Variants in ZAN observed in about 807,000 individuals in gnomAD.
ZAN encodes zonadhesin (gene/pseudogene).
A neutral mutation model predicts 286.2 loss-of-function variants in ZAN; 260 were observed. The observed-to-expected ratio is 0.91, with a 90% confidence interval of 0.82 to 1.01. The LOEUF is 1.01. Among genes scored for constraint, ZAN ranks in the 50% least tolerant of loss-of-function variants. ZAN has a pLI of 0.00. For synonymous variants in ZAN, 1,368 were observed against 1,417.5 expected (o/e 0.97, Z 0.79); for missense variants, 3,410 against 3,639.2 (o/e 0.94, Z 1.62).
rs189453965 is a variant in ZAN at position 100,757,276 on chromosome 7, C to T, written c.3310-926C>T. On this transcript the variant is annotated intron_variant, in intron 15 of 47. Coordinates refer to ENST00000613979, the MANE Select transcript of ZAN (RefSeq NM_003386.3). ...AAAGTGCTGGGATTACAGTGGTGAA[C>T]CACCACACCCAGCCTACTTAGTACT... Among the ~76,000 whole-genome samples the T allele has an allele frequency of 1.8e-4, 27 of 152,074 alleles. No homozygotes were observed. The East Asian group carries it at 5.2e-3, about 30-fold the overall frequency.
At position 100,734,113 on chromosome 7, in the gene ZAN, CAG is replaced by C; in HGVS notation, c.-55_-54del. ...AGGCCAGGGGGGAATAAAAGGAGTC[CAG>C]GCTCCCAACTGTGCCCTTCCCCTCT... On this transcript the variant is annotated 5_prime_UTR_variant, in exon 2 of 48. Transcript: ENST00000613979. 8.3e-7 allele frequency: 1 copy of C among 1,197,746 alleles called. No individual in the cohort carries two copies. Among genetic ancestry groups the C allele is most frequent in the Non-Finnish European group, 1.2e-6 (1 of 836,374 alleles). 74.2% of individuals were successfully genotyped at this position (1,197,746 alleles called of 1,614,324 possible).
Position 100,768,647 on chromosome 7 carries a change from C to A in ZAN, c.5079C>A (p.Arg1693=). 1 of 1,610,968 alleles carries A rather than the reference C, an allele frequency of 6.2e-7. No individual in the cohort carries two copies. Among genetic ancestry groups the A allele is most frequent in the Non-Finnish European group, 8.5e-7 (1 of 1,178,510 alleles). Residue 1693 remains arginine, a synonymous_variant, in exon 27 of 48, where the codon CGC becomes CGA. Transcript: ENST00000613979. ...YNNNSLDDNL[R]PDRKLAGDSM... is the part of the protein sequence containing the mutation. ...ACAACAGCTTGGATGACAACCTGCG[C>A]CCCGACAGAAAGCTTGCAGGCGATT...
At position 100,788,058 on chromosome 7, in the gene ZAN, G is replaced by A; in HGVS notation, c.7149G>A (p.Arg2383=). ...VEGRNKMDPP[R]SSIFLQEVIT... ...GACGCAACAAGATGGATCCGCCCAG[G>A]AGCTCCATCTTCTTGCAGGAAGTGA... Residue 2383 remains arginine, a synonymous_variant, in exon 38 of 48, where the codon AGG becomes AGA. Coordinates refer to ENST00000613979, the MANE Select transcript of ZAN (RefSeq NM_003386.3). The A allele has an allele frequency of 6.3e-7, 1 of 1,589,598 alleles. No homozygotes were observed. Among genetic ancestry groups the A allele is most frequent in the Non-Finnish European group, 8.6e-7 (1 of 1,163,464 alleles).
At chr7:100,771,770 G>GC in intron 28 of ZAN, 74 bp from the exon 29 acceptor site, 1 of 1,481,082 alleles carries the variant, frequency 6.8e-7, no homozygotes, top group Non-Finnish European at 9.1e-7. Context: ...TGTCGAATCA[G>GC]CCCCAGGGAA....
chr7:100,797,386 C>A lies in ZAN; in HGVS notation c.8287C>A (p.Leu2763Ile). 1 of 1,613,778 alleles carries A rather than the reference C, an allele frequency of 6.2e-7. No homozygotes were observed. The highest frequency in any genetic ancestry group is 1.3e-5 in the African/African-American group (1 of 75,020). Reference protein sequence around the residue: ...RKPASNLVGVLLGLLVPVVVV... With the variant: ...RKPASNLVGVILGLLVPVVVV... ...AGAAGCATCTAACCTGGTGGGCGTC[C>A]TACTGGGACTGCTGGTGCCTGTGGT... Residue 2763 changes from leucine (L) to isoleucine (I), a missense_variant, in exon 46 of 48, where the codon CTA (leucine) becomes ATA (isoleucine). Coordinates refer to ENST00000613979, the MANE Select transcript of ZAN (RefSeq NM_003386.3).
rs1238383529 is a variant in ZAN, at chr7:100,786,153, G to A, written c.6979+12G>A. 10 of 1,613,556 alleles carry A rather than the reference G, an allele frequency of 6.2e-6. No individual in the cohort carries two copies. The highest frequency in any genetic ancestry group is 5.5e-5 in the South Asian group (5 of 91,054). ...TTGTGTCTCAGACAGTAAGGGGAGC[G>A]ACCGGGGAGGTTGGAGAGGGGAGCA... is the stretch of plus-strand genomic sequence containing the variant. On this transcript the variant is annotated intron_variant, in intron 37 of 47. Coordinates refer to ENST00000613979, the MANE Select transcript of ZAN (RefSeq NM_003386.3).
chr7:100,744,024 C>T (rs1808005127), intron 7 of ZAN, among the ~76,000 whole-genome samples: 4 of 150,968 alleles, frequency 2.6e-5, no homozygotes, highest in Non-Finnish European at 4.4e-5. Context: ...GCCTATATCT[C>T]TTTGTTCTTC....
At chr7:100,766,449 C>G in intron 23 of ZAN, 76 bp from the exon 24 acceptor site, 1 of 1,489,330 alleles carries the variant, frequency 6.7e-7, no homozygotes, top group Non-Finnish European at 9.0e-7. Flanking sequence ...CTGGTGAGCT[C>G]TGGTGTCAGA....
rs1812284077 is a variant in ZAN, at chr7:100,795,264, T to C, written c.8194T>C (p.Cys2732Arg). The stretch of plus-strand genomic sequence containing the variant: ...TCGGGAGCAGGGAGCCACCTTCACC[T>C]GCGAGTGTGAAGTTGGTTACGGGGG... ...QCREQGATFTCECEVGYGGGL... is the reference protein window; with the variant it reads ...QCREQGATFTRECEVGYGGGL... Residue 2732 changes from cysteine to arginine, a missense_variant, in exon 45 of 48, where the codon TGC becomes CGC. By Grantham distance (180) the Cys-to-Arg change is radical. Around this residue, in one of 7 missense-constraint regions of ZAN, gnomAD observed 1,289 missense variants for 1,314.3 expected, o/e 0.98. Coordinates refer to ENST00000613979, the MANE Select transcript of ZAN (RefSeq NM_003386.3). 3 of 1,611,172 alleles carry C rather than the reference T, an allele frequency of 1.9e-6. No homozygotes were observed. The highest frequency in any genetic ancestry group is 2.2e-5 in the South Asian group (2 of 90,762).
chr7:100,796,107 A>T (rs1287454354), intron 45 of ZAN, among the ~76,000 whole-genome samples: 1 of 151,698 alleles, frequency 6.6e-6, no homozygotes, highest in East Asian at 1.9e-4. Context: ...CCAAAAACAA[A>T]ACAAAAAACT....
chr7:100,773,261 TC>T (rs1457649771), intron 29 of ZAN, 23 bp from the exon 30 acceptor site: 3 of 1,609,274 alleles, frequency 1.9e-6, no homozygotes, highest in Admixed American at 3.3e-5. Context: ...ACCCCACTCT[TC>T]CTAATGCTCT....
chr7:100,774,747 G>A (rs1810631007), intron 31 of ZAN, among the ~76,000 whole-genome samples: 1 of 151,808 alleles, frequency 6.6e-6, no homozygotes, highest in Non-Finnish European at 1.5e-5. Flanking sequence ...GACCACTTGA[G>A]CCCAGGAGTT....
Position 100,791,068 on chromosome 7 carries a change from A to AG in ZAN, c.7484_7485insG (p.Asn2495LysfsTer41). On this transcript the variant is annotated frameshift_variant, in exon 40 of 48. Coordinates refer to ENST00000613979, the MANE Select transcript of ZAN (RefSeq NM_003386.3). LOFTEE classifies it high-confidence loss of function. ...ACCCAGAACCTCAACACCTTTGGCA[A>AG]CAGCTGGGAGGTGAAGACCGAGGAC... 1 of 1,613,196 alleles carries AG rather than the reference A, an allele frequency of 6.2e-7. No homozygotes were observed. The highest frequency in any genetic ancestry group is 8.5e-7 in the Non-Finnish European group (1 of 1,179,724).
intron 35 of ZAN, among the ~76,000 whole-genome samples, chr7:100,783,789 T>A (rs75738351): frequency 9.9e-5 from 1 of 10,126 alleles, no homozygotes; most frequent in African/African-American, 1.8e-4. Flanking sequence ...TATATACACA[T>A]ATATATATAT....
chr7:100,761,359 G>T (rs1809566170), intron 19 of ZAN, among the ~76,000 whole-genome samples: 1 of 152,038 alleles, frequency 6.6e-6, no homozygotes, highest in Admixed American at 6.6e-5. Flanking sequence ...TTAAATATTA[G>T]CCAGGCGTAG....
chr7:100,746,718 T>G lies in ZAN; in HGVS notation c.931+16T>G, dbSNP rs1361794406. 5 of 1,613,270 alleles carry G rather than the reference T, an allele frequency of 3.1e-6. No homozygotes were observed. The highest frequency in any genetic ancestry group is 4.2e-6 in the Non-Finnish European group (5 of 1,179,602). On this transcript the variant is annotated intron_variant, in intron 8 of 47. Coordinates refer to ENST00000613979, the MANE Select transcript of ZAN (RefSeq NM_003386.3). The stretch of plus-strand genomic sequence containing the variant: ...TCAGTCTTGGGTTAGAGCGGAGAAT[T>G]AATGGGATTTACACTGATCTGGGCG...
intron 34 of ZAN, among the ~76,000 whole-genome samples, chr7:100,777,376 A>G (rs1198342536): frequency 6.6e-6 from 1 of 150,482 alleles, no homozygotes; most frequent in African/African-American, 2.5e-5. Context: ...TCTTTTTGAG[A>G]TGGAGTTTTG....
intron 12 of ZAN, 81 bp downstream of exon 12, chr7:100,750,977 A>G (rs546686334): frequency 9.4e-5 from 141 of 1,504,312 alleles, no homozygotes; most frequent in Non-Finnish European, 1.2e-4. Context: ...CCAGTGCTGA[A>G]GAGGTGGAAA....
chr7:100,752,533 A>G lies in ZAN; in HGVS notation c.2428A>G (p.Ile810Val). The G allele has an allele frequency of 6.2e-7, 1 of 1,612,736 alleles. No homozygotes were observed. The highest frequency in any genetic ancestry group is 8.5e-7 in the Non-Finnish European group (1 of 1,179,672). Residue 810 changes from isoleucine to valine, a missense_variant, in exon 14 of 48, where the codon ATC becomes GTC. Physicochemically the swap from Ile to Val is conservative, Grantham distance 29. Around this residue, in one of 7 missense-constraint regions of ZAN, gnomAD observed 90 missense variants for 87.1 expected, o/e 1.03. Coordinates refer to ENST00000613979, the MANE Select transcript of ZAN (RefSeq NM_003386.3). ...EPTTPTEETTISTEKPSIPME... is the reference protein window; with the variant it reads ...EPTTPTEETTVSTEKPSIPME... ...CACCACCCCCACTGAGGAGACCACC[A>G]TCTCCACAGAAAAACCCAGCATCCC...
Sources: gnomAD v4.1 joint callset for allele counts (sites outside exome capture counted in the v4.1 genomes callset) on GRCh38, gnomAD v4.1.1 for gene constraint, gnomAD v4.1.1 regional missense constraint, MANE v1.5 for transcripts, NCBI Gene and HGNC (gene_info 2026-07-23, HGNC 2026-07-21) for gene names.